DENND4C: variants seen among roughly 807,000 people sequenced by gnomAD.
DENND4C encodes DENN domain-containing protein 4C.
Under a neutral mutation model 203.0 loss-of-function variants are expected in DENND4C, and 108 were observed. The ratio of observed to expected loss-of-function variants is 0.53; its 90% confidence interval spans 0.46 to 0.62. The LOEUF is 0.62. Ranked by LOEUF, DENND4C falls within the 20% of genes least tolerant of loss-of-function variation. The pLI is 0.00. For missense variants in DENND4C, 2,481 were observed against 2,301.2 expected (o/e 1.08, Z -1.60); for synonymous variants, 871 against 792.4 (o/e 1.10, Z -1.67).
At chr9:19,230,637 C>T (rs947457520), upstream of DENND4C, 19 of 152,180 alleles carry the variant, frequency 1.2e-4, no homozygotes, top group African/African-American at 4.6e-4. Flanking sequence ...CCGGCCATCG[C>T]CCCTGGCTGT....
intron 1 of DENND4C, among the ~76,000 whole-genome samples, chr9:19,231,045 C>A (rs185766474): frequency 2.1e-3 from 316 of 152,334 alleles, no homozygotes; most frequent in African/African-American, 7.1e-3. Context: ...GCGGGGAGTC[C>A]CCGGATCCTG....
At chr9:19,288,707 T>C in intron 4 of DENND4C, 42 bp downstream of exon 4, 1 of 1,086,726 alleles carries the variant, frequency 9.2e-7, no homozygotes, top group Non-Finnish European at 1.2e-6. Context: ...CTATAGTTAT[T>C]GGTGCATATT....
Position 19,296,118 on chromosome 9 carries a change from C to T in DENND4C, c.912C>T (p.Ser304=). 1.9e-6 allele frequency: 3 copies of T among 1,613,934 alleles called. No homozygotes were observed. Among genetic ancestry groups the T allele is most frequent in the Non-Finnish European group, 2.5e-6 (3 of 1,179,946 alleles). The change falls in exon 6 of 33, where the codon TCC becomes TCT. Residue 304 remains serine, a synonymous_variant. Coordinates refer to ENST00000434457, the MANE Select transcript of DENND4C (RefSeq NM_001330640.2). ...CGCCTGTGGAGAGAAAAATGGTCTC[C>T]AAATCCATCAATACAAACAAATGCA... The part of the protein sequence containing the change: ...LLTPVERKMV[S]KSINTNKCIC...
At chr9:19,234,955 T>C (rs1821550048) in intron 1 of DENND4C, among the ~76,000 whole-genome samples, 1 of 152,052 alleles carries the variant, frequency 6.6e-6, no homozygotes, top group Non-Finnish European at 1.5e-5. Flanking sequence ...ACTTTCTTTT[T>C]TTTTTTTTTC....
At chr9:19,267,220 G>A (rs966525818) in intron 1 of DENND4C, among the ~76,000 whole-genome samples, 3 of 152,108 alleles carry the variant, frequency 2.0e-5, no homozygotes, top group Non-Finnish European at 2.9e-5. Context: ...GAAGTTTCCA[G>A]CAATTACTGT....
At chr9:19,286,048 G>T (rs1186729741) in intron 2 of DENND4C, among the ~76,000 whole-genome samples, 6 of 152,172 alleles carry the variant, frequency 3.9e-5, no homozygotes, top group African/African-American at 1.2e-4. Flanking sequence ...AAAGCAGCTG[G>T]GGTTTAAATA....
chr9:19,361,709 A>C, intron 29 of DENND4C, 137 bp from the exon 30 acceptor site: 1 of 512,724 alleles, frequency 2.0e-6, no homozygotes, highest in Admixed American at 3.5e-5. Flanking sequence ...AGACATTAAT[A>C]AAAATTAAAA....
At chr9:19,293,706 T>C (rs539702267) in intron 5 of DENND4C, among the ~76,000 whole-genome samples, 2 of 152,330 alleles carry the variant, frequency 1.3e-5, no homozygotes, top group African/African-American at 2.4e-5. Flanking sequence ...CTAGTCTATA[T>C]GCCTGGTAGC....
At chr9:19,334,346 C>T (rs566797013) in intron 17 of DENND4C, among the ~76,000 whole-genome samples, 40 of 152,028 alleles carry the variant, frequency 2.6e-4, no homozygotes, top group African/African-American at 9.4e-4. Context: ...CTACTGCTCC[C>T]GGCCTCTATC....
intron 17 of DENND4C, among the ~76,000 whole-genome samples, chr9:19,333,290 A>G (rs1211194516): frequency 6.6e-6 from 1 of 152,094 alleles, no homozygotes; most frequent in Non-Finnish European, 1.5e-5. Context: ...TGCCAAGATT[A>G]TAAATATGAG....
chr9:19,232,725 T>C (rs958128263), intron 1 of DENND4C, among the ~76,000 whole-genome samples: 3 of 152,190 alleles, frequency 2.0e-5, no homozygotes, highest in Non-Finnish European at 4.4e-5. Flanking sequence ...TAGTGGTGTG[T>C]AGGCTGTAAC....
At chr9:19,251,921 C>T (rs1424894076) in intron 1 of DENND4C, among the ~76,000 whole-genome samples, 1 of 152,130 alleles carries the variant, frequency 6.6e-6, no homozygotes, top group African/African-American at 2.4e-5. Flanking sequence ...CCACATTTTC[C>T]TCTCTCCTTC....
chr9:19,259,354 C>A (rs7865768), intron 1 of DENND4C, among the ~76,000 whole-genome samples: 1 of 151,942 alleles, frequency 6.6e-6, no homozygotes, highest in Non-Finnish European at 1.5e-5. Flanking sequence ...GAAGTGAAAA[C>A]GTGAAGTTTG....
chr9:19,357,216 T>C (rs1825620013), intron 27 of DENND4C, 62 bp downstream of exon 27: 2 of 1,568,370 alleles, frequency 1.3e-6, no homozygotes, highest in South Asian at 2.3e-5. Flanking sequence ...GTAAAAATTC[T>C]GTCTCTAAAG....
intron 1 of DENND4C, among the ~76,000 whole-genome samples, chr9:19,247,303 T>C (rs1356795904): frequency 6.6e-6 from 1 of 152,208 alleles, no homozygotes; most frequent in Non-Finnish European, 1.5e-5. Context: ...TTGAGTATCT[T>C]ATCTAATGCT....
chr9:19,328,631 GTGTCTGTC>G (rs200869394), intron 16 of DENND4C, among the ~76,000 whole-genome samples: 24,276 of 145,232 alleles, frequency 0.17, 2,061 homozygotes, highest in Admixed American at 0.18. Context: ...GTCTATATAT[GTGTCTGTC>G]TGTCTGTCTG....
At chr9:19,280,570 A>C (rs1456571968) in intron 2 of DENND4C, among the ~76,000 whole-genome samples, 1 of 152,096 alleles carries the variant, frequency 6.6e-6, no homozygotes, top group African/African-American at 2.4e-5. Flanking sequence ...GGTTTCCTTA[A>C]GAAGATAGGT....
Position 19,316,436 on chromosome 9 carries a change from A to G in DENND4C, c.1507A>G (p.Met503Val), listed in dbSNP as rs1841863546. ...MLYVSDEKKN[M>V]NWKQLPKKPC... ...TAATAGATCAGATGAAAAGAAGAAC[A>G]TGAACTGGAAGCAACTTCCCAAAAA... Residue 503 changes from methionine (M) to valine (V), a missense_variant, in exon 11 of 33, where the codon ATG becomes GTG. By Grantham distance (21) the Met-to-Val change is conservative. This residue lies in a region of DENND4C where 2,289 missense variants were observed against 2,113.3 expected (regional missense o/e 1.08). Transcript: ENST00000434457. 7 of 1,613,772 alleles carry G rather than the reference A, an allele frequency of 4.3e-6. No individual in the cohort carries two copies. The highest frequency in any genetic ancestry group is 5.9e-6 in the Non-Finnish European group (7 of 1,179,850).
chr9:19,325,459 T>G (rs1843569685), intron 13 of DENND4C, among the ~76,000 whole-genome samples: 1 of 152,194 alleles, frequency 6.6e-6, no homozygotes, highest in South Asian at 2.1e-4. Flanking sequence ...ATTATGACAT[T>G]AATTTTTATG....
Sources: gnomAD v4.1 joint callset for allele counts (sites outside exome capture counted in the v4.1 genomes callset) on GRCh38, gnomAD v4.1.1 for gene constraint, gnomAD v4.1.1 regional missense constraint, MANE v1.5 for transcripts, NCBI Gene and HGNC (gene_info 2026-07-23, HGNC 2026-07-21) for gene names.